TMEM131: variants seen among roughly 807,000 people sequenced by gnomAD.
The protein encoded by TMEM131 is transmembrane protein 131.
Under a neutral mutation model 211.6 loss-of-function variants are expected in TMEM131, and 66 were observed. The observed-to-expected ratio is 0.31, with a 90% confidence interval of 0.26 to 0.38. The LOEUF is 0.38. Among genes scored for constraint, TMEM131 ranks in the 10% least tolerant of loss-of-function variants. TMEM131 has a pLI of 1.00. For synonymous variants in TMEM131, 844 were observed against 841.3 expected (o/e 1.00, Z -0.06); for missense variants, 2,036 against 2,299.3 (o/e 0.89, Z 2.34).
In TMEM131 at chr2:97,836,961, G is replaced by A. The variant is rs185839429; in HGVS notation, c.804+116C>T. 214 of 778,940 alleles carry A rather than the reference G, an allele frequency of 2.7e-4. 1 individual carries two copies. In the East Asian group the frequency reaches 4.8e-3, roughly 18 times the overall value. 48.3% of individuals were successfully genotyped at this position (778,940 alleles called of 1,614,324 possible). ...TGACATAAATTAACATTAAGACAAC[G>A]ATTAAAGAGAAGTCATCCATATTTG... On this transcript the variant is annotated intron_variant, in intron 8 of 40. Coordinates refer to ENST00000186436, the MANE Select transcript of TMEM131 (RefSeq NM_015348.2).
chr2:97,892,552 A>G (rs1334857035), intron 3 of TMEM131, among the ~76,000 whole-genome samples: 1 of 152,104 alleles, frequency 6.6e-6, no homozygotes, highest in Non-Finnish European at 1.5e-5. Flanking sequence ...TTGTAGATAC[A>G]GGGTGTCACT....
intron 4 of TMEM131, among the ~76,000 whole-genome samples, chr2:97,875,298 A>C (rs1226274154): frequency 6.6e-6 from 1 of 152,192 alleles, no homozygotes. Context: ...TGTCCGTATT[A>C]GACAGATCAA....
At chr2:97,796,492 A>G (rs1440203655) in intron 27 of TMEM131, 88 bp from the exon 28 acceptor site, 15 of 843,986 alleles carry the variant, frequency 1.8e-5, no homozygotes, top group African/African-American at 1.8e-5. Flanking sequence ...ATGAATTACT[A>G]TATGTCACAG....
intron 6 of TMEM131, 128 bp from the exon 7 acceptor site, chr2:97,842,065 T>A: frequency 2.2e-6 from 2 of 911,654 alleles, no homozygotes; most frequent in Non-Finnish European, 3.0e-6. Context: ...TCCCTTTATT[T>A]AAAAAAAACC....
intron 19 of TMEM131, among the ~76,000 whole-genome samples, chr2:97,809,231 C>T (rs1681441207): frequency 6.6e-6 from 1 of 152,190 alleles, no homozygotes; most frequent in Admixed American, 6.5e-5. Flanking sequence ...TAAAACTTTT[C>T]TCAATTCTTG....
At position 97,806,482 on chromosome 2, in the gene TMEM131, A is replaced by G. The variant is rs377408012; in HGVS notation, c.2056-779T>C. ...CTTGAACTCGGGAAGCGGAGGCTGC[A>G]GTGAGCCGAGATCGTACCACGGCAC... On this transcript the variant is annotated intron_variant, in intron 19 of 40. Transcript: ENST00000186436. Among the ~76,000 whole-genome samples, 215 of 152,188 alleles carry G rather than the reference A, an allele frequency of 1.4e-3. 1 individual carries two copies. The highest frequency in any genetic ancestry group is 4.9e-3 in the African/African-American group (204 of 41,516).
intron 5 of TMEM131, among the ~76,000 whole-genome samples, chr2:97,856,764 C>G (rs1673864552): frequency 4.6e-5 from 7 of 152,250 alleles, no homozygotes; most frequent in African/African-American, 1.7e-4. Context: ...AGAGTTCATT[C>G]TATCTCTCCC....
rs148617512 is a variant in TMEM131, at chr2:97,869,106, A to G, written c.360-9679T>C. 1.8e-3 allele frequency among the ~76,000 whole-genome samples: 276 copies of G among 152,072 alleles called. 1 individual carries two copies. Among genetic ancestry groups the G allele is most frequent in the African/African-American group, 6.4e-3 (265 of 41,376 alleles). On this transcript the variant is annotated intron_variant, in intron 4 of 40. Coordinates refer to ENST00000186436, the MANE Select transcript of TMEM131 (RefSeq NM_015348.2). ...TTCACCAACTGTATGCTTTCTTAAG[A>G]AAAAAAATGCTTTTACAATTCAAAT...
At chr2:97,758,837 C>G in intron 40 of TMEM131, 56 bp downstream of exon 40, 1 of 1,555,020 alleles carries the variant, frequency 6.4e-7, no homozygotes, top group Middle Eastern at 2.0e-4. Flanking sequence ...ACAGCAATGG[C>G]AGATGGCGAG....
chr2:97,946,168 T>A (rs963880334), intron 1 of TMEM131, among the ~76,000 whole-genome samples: 2 of 151,550 alleles, frequency 1.3e-5, no homozygotes, highest in African/African-American at 4.9e-5. Context: ...CAGTTATCTA[T>A]ATTGCATACT....
At chr2:97,763,704 T>C (rs1389290592) in intron 35 of TMEM131, 1 of 152,408 alleles carries the variant, frequency 6.6e-6, no homozygotes, top group Non-Finnish European at 1.5e-5. Context: ...GTGCCCACAC[T>C]TGGAGCAGGC....
chr2:97,968,722 A>C (rs1247190867), intron 1 of TMEM131, among the ~76,000 whole-genome samples: 1 of 152,212 alleles, frequency 6.6e-6, no homozygotes, highest in African/African-American at 2.4e-5. Context: ...CCCATTATCC[A>C]GAAGATTATA....
intron 35 of TMEM131, 136 bp from the exon 36 acceptor site, chr2:97,762,336 G>T: frequency 1.2e-6 from 1 of 864,892 alleles, no homozygotes; most frequent in Non-Finnish European, 1.7e-6. Flanking sequence ...TCTTAGATGT[G>T]TTCTGTTTAA....
chr2:97,827,341 G>C, intron 11 of TMEM131: 2 of 812,198 alleles, frequency 2.5e-6, no homozygotes, highest in African/African-American at 3.3e-5. Flanking sequence ...TCCTGCAAAA[G>C]TGGAAGCAAA....
chr2:97,782,729 G>T (rs147727525), intron 31 of TMEM131, among the ~76,000 whole-genome samples: 1 of 152,138 alleles, frequency 6.6e-6, no homozygotes, highest in East Asian at 1.9e-4. Flanking sequence ...CTCAATAGCA[G>T]AACAGAGGAG....
At chr2:97,923,116 C>G (rs1676814878) in intron 2 of TMEM131, among the ~76,000 whole-genome samples, 2 of 151,998 alleles carry the variant, frequency 1.3e-5, no homozygotes, top group African/African-American at 4.8e-5. Context: ...TGGTGAAACT[C>G]TGTCTCTACT....
chr2:97,995,766 G>T lies in TMEM131; in HGVS notation c.-104C>A. ...GTCCGGGCTCTGGCCGCGGCGCCGG[G>T]AGCGACAACGGTTGCGAGCCCGGGG... is the stretch of plus-strand genomic sequence containing the variant. On this transcript the variant is annotated 5_prime_UTR_variant, in exon 1 of 41. Coordinates refer to ENST00000186436, the MANE Select transcript of TMEM131 (RefSeq NM_015348.2). 1.1e-6 allele frequency: 1 copy of T among 894,216 alleles called. No homozygotes were observed. The highest frequency in any genetic ancestry group is 1.4e-6 in the Non-Finnish European group (1 of 712,208). 55.4% of individuals were successfully genotyped at this position (894,216 alleles called of 1,614,324 possible).
intron 1 of TMEM131, among the ~76,000 whole-genome samples, chr2:97,938,027 G>A (rs1260753961): frequency 2.0e-5 from 3 of 152,086 alleles, no homozygotes; most frequent in Non-Finnish European, 2.9e-5. Context: ...CCTGAAAGAA[G>A]CACTAAACAT....
At chr2:97,970,610 T>TGGAGTG (rs1431484402) in intron 1 of TMEM131, among the ~76,000 whole-genome samples, 4 of 152,138 alleles carry the variant, frequency 2.6e-5, no homozygotes, top group Non-Finnish European at 4.4e-5. Flanking sequence ...ACCTCATCTA[T>TGGAGTG]TCACCACTCA....
Sources: allele counts gnomAD v4.1 joint callset (sites outside exome capture counted in the v4.1 genomes callset), GRCh38; gene constraint gnomAD v4.1.1; transcripts MANE v1.5; gene names NCBI Gene and HGNC (gene_info 2026-07-23, HGNC 2026-07-21).